The following FAM135B variants were observed in gnomAD, a reference collection of about 807,000 sequenced individuals.
FAM135B encodes the protein family with sequence similarity 135 member B.
A neutral mutation model predicts 127.7 loss-of-function variants in FAM135B; 43 were observed. The ratio of observed to expected loss-of-function variants is 0.34; its 90% CI spans 0.26 to 0.43. The LOEUF (loss-of-function observed/expected upper bound fraction) is 0.43, where lower values mean the gene tolerates loss of function less well. Among genes scored for constraint, FAM135B ranks in the 20% least tolerant of loss-of-function variants. The pLI, the probability that FAM135B is intolerant of heterozygous loss-of-function variation, is 1.00. For synonymous variants in FAM135B, 670 were observed against 665.1 expected, an observed-to-expected ratio of 1.01 and a Z score of -0.11; for missense variants, 1,558 against 1,725.6, an observed-to-expected ratio of 0.90 and a Z score of 1.72.
At chr8:138,442,147 G>A (rs546522854) in intron 1 of FAM135B, among the ~76,000 whole-genome samples, 25 of 145,966 alleles carry the variant, frequency 1.7e-4, no homozygotes, top group African/African-American at 5.6e-4. Flanking sequence ...ATCTGTCCAA[G>A]GTATATGAAA....
In FAM135B at chr8:138,241,834, A is replaced by G. The variant is rs1820801897; in HGVS notation, c.669+1108T>C. On this transcript the variant is annotated intron_variant, in intron 7 of 19. Coordinates refer to ENST00000395297, the MANE Select transcript of FAM135B (RefSeq NM_015912.4). This position sits in a 1 kb window ranked among gnomAD's most constrained non-coding sequence, Gnocchi z 4.8. ...GGTAAGCCTGTGAGGGTATGTCTGGATGAACTGGTCAATTGAATAAAGCAG... is the reference window on the plus strand; with the variant it reads ...GGTAAGCCTGTGAGGGTATGTCTGGGTGAACTGGTCAATTGAATAAAGCAG... Among the ~76,000 whole-genome samples the G allele has an allele frequency of 6.6e-6, 1 of 152,172 alleles. No individual in the cohort carries two copies. The highest frequency in any genetic ancestry group is 1.5e-5 in the Non-Finnish European group (1 of 68,022).
chr8:138,465,178 A>T (rs1254037804), intron 1 of FAM135B, among the ~76,000 whole-genome samples: 1 of 152,132 alleles, frequency 6.6e-6, no homozygotes, highest in Non-Finnish European at 1.5e-5. Context: ...GTTCCAAAGT[A>T]GGGGGAAAGG....
In FAM135B at chr8:138,353,607, C is replaced by T. The variant is rs144665700; in HGVS notation, c.77+14300G>A. ...TACCAACAAAATAAAATTTAGACTTCATAATACTGGCTCTGGAGACAAACA... is the reference window on the plus strand; with the variant it reads ...TACCAACAAAATAAAATTTAGACTTTATAATACTGGCTCTGGAGACAAACA... On this transcript the variant is annotated intron_variant, in intron 2 of 19. Transcript: ENST00000395297. 4.3e-4 allele frequency among the ~76,000 whole-genome samples: 65 copies of T among 152,258 alleles called. No homozygotes were observed. The East Asian group carries it at 7.9e-3, about 19-fold the overall frequency.
intron 3 of FAM135B, among the ~76,000 whole-genome samples, chr8:138,278,444 TA>T (rs1264892972): frequency 6.6e-6 from 1 of 151,792 alleles, no homozygotes; most frequent in African/African-American, 2.4e-5. Context: ...TTTGCTCAAT[TA>T]AACAGATGGG....
chr8:138,233,430 G>A (rs1027530622), intron 7 of FAM135B, among the ~76,000 whole-genome samples: 13 of 152,046 alleles, frequency 8.6e-5, no homozygotes, highest in African/African-American at 2.2e-4. Context: ...GGCTGCCTCC[G>A]CAACAAATGA....
intron 3 of FAM135B, among the ~76,000 whole-genome samples, chr8:138,277,568 GCA>G (rs1823927914): frequency 6.6e-6 from 1 of 152,154 alleles, no homozygotes; most frequent in African/African-American, 2.4e-5. Flanking sequence ...CTGAACTTCT[GCA>G]TGTAAGCCCC....
chr8:138,276,422 G>A (rs560782680), intron 3 of FAM135B, among the ~76,000 whole-genome samples: 3 of 152,246 alleles, frequency 2.0e-5, no homozygotes, highest in African/African-American at 7.2e-5. Flanking sequence ...AATATAGGGC[G>A]GAGTTGCGAC....
Position 138,167,912 on chromosome 8 carries a change from A to C in FAM135B, c.1241T>G (p.Val414Gly), listed in dbSNP as rs2130899634. The change falls in exon 12 of 20, where the codon GTG becomes GGG. Residue 414 changes from valine (V) to glycine (G), a missense_variant. Val to Gly is a moderately radical substitution (Grantham distance 109). Transcript: ENST00000395297. The part of the protein sequence containing the change: ...TLPVIFEDRY[V>G]DCPATGHNLS... ...AGACAAACCTGTCGCAGGGCAGTCC[A>C]CGTATCTGTCCTCAAAGATCACCGG... The C allele has an allele frequency of 6.2e-7, 1 of 1,613,394 alleles. No individual in the cohort carries two copies. Among genetic ancestry groups the C allele is most frequent in the Non-Finnish European group, 8.5e-7 (1 of 1,179,690 alleles).
chr8:138,468,950 CAGG>C (rs1468098231), intron 1 of FAM135B, among the ~76,000 whole-genome samples: 1 of 152,014 alleles, frequency 6.6e-6, no homozygotes, highest in Non-Finnish European at 1.5e-5. Flanking sequence ...AAGGCTGAGG[CAGG>C]AGAATTGCTT....
At chr8:138,478,191 C>T (rs10481406) in intron 1 of FAM135B, among the ~76,000 whole-genome samples, 17,522 of 152,088 alleles carry the variant, frequency 0.12, 2,710 homozygotes, top group African/African-American at 0.35. Flanking sequence ...GTCTGTGTAC[C>T]TTATCAGTCC....
chr8:138,355,161 C>T (rs923217139), intron 2 of FAM135B, among the ~76,000 whole-genome samples: 80 of 152,048 alleles, frequency 5.3e-4, no homozygotes, highest in Admixed American at 4.3e-3. Flanking sequence ...GACAATGTAG[C>T]GATTCCTCAG....
chr8:138,217,309 C>G (rs1301931978), intron 7 of FAM135B, among the ~76,000 whole-genome samples: 1 of 152,016 alleles, frequency 6.6e-6, no homozygotes. Context: ...TGAAAAAGTT[C>G]TTAGCTTAAG....
At chr8:138,258,175 A>C (rs555294082) in intron 4 of FAM135B, among the ~76,000 whole-genome samples, 1 of 152,328 alleles carries the variant, frequency 6.6e-6, no homozygotes, top group African/African-American at 2.4e-5. Context: ...GTATCAATGC[A>C]TCTTTGCGGA....
chr8:138,282,470 T>G (rs925916649), intron 3 of FAM135B, among the ~76,000 whole-genome samples: 1 of 152,204 alleles, frequency 6.6e-6, no homozygotes, highest in Non-Finnish European at 1.5e-5. Flanking sequence ...TTAAAGATCT[T>G]AAAACTTAAC....
chr8:138,414,218 T>C (rs759944516), intron 1 of FAM135B, among the ~76,000 whole-genome samples: 8 of 151,702 alleles, frequency 5.3e-5, no homozygotes, highest in Non-Finnish European at 1.2e-4. Flanking sequence ...ATATAGAGGA[T>C]ATCTGATATA....
rs1820854437 is a variant in FAM135B, at chr8:138,242,182, TGTGTGTGTGTGTG to T, written c.669+747_669+759del. 6.9e-6 allele frequency among the ~76,000 whole-genome samples: 1 copy of T among 144,852 alleles called. No homozygotes were observed. Among genetic ancestry groups the T allele is most frequent in the Non-Finnish European group, 1.5e-5 (1 of 66,524 alleles). ...AAATCTCTTTGTGTGTGTGTGTGTG[TGTGTGTGTGTGTG>T]TGTGTGTGTGTGTGTGTGTGTGTTC... On this transcript the variant is annotated intron_variant, in intron 7 of 19. Transcript: ENST00000395297. This position sits in a 1 kb window ranked among gnomAD's most constrained non-coding sequence, Gnocchi z 9.6.
chr8:138,195,428 C>A, intron 8 of FAM135B, 121 bp from the exon 9 acceptor site: 1 of 881,980 alleles, frequency 1.1e-6, no homozygotes, highest in Non-Finnish European at 1.8e-6. Flanking sequence ...AAACACATTG[C>A]TGAGGACCTT....
At chr8:138,309,833 C>G (rs1301109815) in intron 3 of FAM135B, among the ~76,000 whole-genome samples, 1 of 150,636 alleles carries the variant, frequency 6.6e-6, no homozygotes, top group South Asian at 2.1e-4. Context: ...TCCCTACCCT[C>G]TACCCTACTC....
At chr8:138,339,873 A>C (rs531645633) in intron 2 of FAM135B, among the ~76,000 whole-genome samples, 205 of 152,220 alleles carry the variant, frequency 1.3e-3, no homozygotes, top group African/African-American at 4.5e-3. Flanking sequence ...ATCAGGATGG[A>C]GAGGAAGAGC....
Sources: gnomAD v4.1 joint callset for allele counts (sites outside exome capture counted in the v4.1 genomes callset) on GRCh38, gnomAD v4.1.1 for gene constraint, Gnocchi (gnomAD v3.1) non-coding constraint, MANE v1.5 for transcripts, NCBI Gene and HGNC (gene_info 2026-07-23, HGNC 2026-07-21) for gene names.